SHF: variants seen among roughly 807,000 people sequenced by gnomAD.
SHF encodes the protein Src homology 2 domain containing F.
In SHF, 30 loss-of-function variants were observed where a neutral mutation model predicts 42.4. That is an observed-to-expected ratio of 0.71 (90% CI 0.53 to 0.96). The LOEUF (loss-of-function observed/expected upper bound fraction) is 0.96. SHF is among the 40% of genes least tolerant of loss of function. The pLI is 0.00. For missense variants in SHF, 598 were observed against 634.0 expected (o/e 0.94, Z 0.61); for synonymous variants, 264 against 269.9 (o/e 0.98, Z 0.21).
chr15:45,178,122 A>G (rs779623595), intron 2 of SHF, 43 bp downstream of exon 2: 1 of 1,586,548 alleles, frequency 6.3e-7, no homozygotes, highest in Admixed American at 1.8e-5. Flanking sequence ...TGTTCTGCAG[A>G]GCCCAGGCCT....
intron 1 of SHF, among the ~76,000 whole-genome samples, chr15:45,186,749 CA>C (rs1475448130): frequency 6.6e-6 from 1 of 152,242 alleles, no homozygotes; most frequent in African/African-American, 2.4e-5. Context: ...AGGTCCTGAG[CA>C]CTGACTATCC....
In SHF at chr15:45,178,198, T is replaced by G. The variant is rs753770412; in HGVS notation, c.607A>C (p.Met203Leu). Reference sequence around the variant, plus strand: ...ATCTTTTGAGCCTCATAGGGCTCCATGTAGCCATCATTTTCAGGGACCTTC... The same window carrying G: ...ATCTTTTGAGCCTCATAGGGCTCCAGGTAGCCATCATTTTCAGGGACCTTC... ...PEKVPENDGY[M>L]EPYEAQKMMA... The change falls in exon 2 of 7, where the codon ATG (methionine) becomes CTG (leucine). Residue 203 changes from methionine to leucine, a missense_variant. This residue lies in a region of SHF where 439 missense variants were observed against 524.6 expected (regional missense o/e 0.84). Coordinates refer to ENST00000690270, the MANE Select transcript of SHF (RefSeq NM_001394037.1). 1.9e-6 allele frequency: 3 copies of G among 1,613,604 alleles called. No individual in the cohort carries two copies. In the South Asian group the frequency reaches 3.3e-5, roughly 18 times the overall value.
chr15:45,173,688 A>C lies in SHF; in HGVS notation c.876T>G (p.Pro292=). The change falls in exon 4 of 7, where the codon CCT becomes CCG. Residue 292 remains proline, a synonymous_variant. Coordinates refer to ENST00000690270, the MANE Select transcript of SHF (RefSeq NM_001394037.1). ...CCAGCTGTCCCACAGGTGGAGGCCAAGGTAGGTCTTTGATGACCTTAATGT... is the reference window on the plus strand; with the variant it reads ...CCAGCTGTCCCACAGGTGGAGGCCACGGTAGGTCTTTGATGACCTTAATGT... ...AVDIKVIKDL[P]WPPPVGQLDS... 6.4e-7 allele frequency: 1 copy of C among 1,551,836 alleles called. No individual in the cohort carries two copies. Among genetic ancestry groups the C allele is most frequent in the Non-Finnish European group, 8.7e-7 (1 of 1,147,004 alleles).
intron 6 of SHF, among the ~76,000 whole-genome samples, chr15:45,168,409 C>T (rs975881308): frequency 6.6e-6 from 1 of 152,136 alleles, no homozygotes; most frequent in Non-Finnish European, 1.5e-5. Context: ...GGAAACTGAG[C>T]GACCAGCACC....
chr15:45,185,598 G>T (rs1417475670), intron 1 of SHF, among the ~76,000 whole-genome samples: 4 of 152,224 alleles, frequency 2.6e-5, no homozygotes, highest in Non-Finnish European at 5.9e-5. Context: ...AGAGCCTGCT[G>T]GATTTCATTC....
chr15:45,200,201 G>A (rs1017761342), intron 1 of SHF: 2 of 156,926 alleles, frequency 1.3e-5, no homozygotes, highest in African/African-American at 4.8e-5. Flanking sequence ...CTGGCGAGTG[G>A]TCTGTGCTTT....
chr15:45,189,750 G>T (rs1898658515), upstream of SHF, among the ~76,000 whole-genome samples: 1 of 152,130 alleles, frequency 6.6e-6, no homozygotes, highest in South Asian at 2.1e-4. Flanking sequence ...GTTCAAAGCG[G>T]GGGGTGTAAA....
chr15:45,194,985 A>G (rs1898822962), intron 2 of SHF, among the ~76,000 whole-genome samples: 1 of 151,884 alleles, frequency 6.6e-6, no homozygotes, highest in Admixed American at 6.6e-5. Context: ...ATGCACCACC[A>G]TGCCCAGCTA....
upstream of SHF, among the ~76,000 whole-genome samples, chr15:45,190,766 T>G (rs1345018056): frequency 6.6e-6 from 1 of 151,696 alleles, no homozygotes; most frequent in Non-Finnish European, 1.5e-5. Flanking sequence ...AAGGGGAGTA[T>G]TCATGATGGG....
intron 2 of SHF, 103 bp from the exon 3 acceptor site, chr15:45,175,528 A>G (rs1897755014): frequency 1.0e-5 from 12 of 1,203,582 alleles, no homozygotes; most frequent in African/African-American, 1.5e-5. Context: ...CCTTCAGAGG[A>G]GATGCCCTGG....
intron 2 of SHF, among the ~76,000 whole-genome samples, chr15:45,195,228 A>G (rs1433230350): frequency 2.0e-5 from 3 of 152,230 alleles, no homozygotes; most frequent in African/African-American, 2.4e-5. Context: ...GCTATTTCCA[A>G]TCTCCCTTTT....
At chr15:45,185,347 G>A (rs756567793) in intron 1 of SHF, among the ~76,000 whole-genome samples, 20 of 152,240 alleles carry the variant, frequency 1.3e-4, no homozygotes, top group Non-Finnish European at 1.9e-4. Context: ...TCACATCCAG[G>A]AGCAGCATCT....
At chr15:45,170,122 A>G (rs1029547018) in intron 6 of SHF, 4 of 172,604 alleles carry the variant, frequency 2.3e-5, no homozygotes, top group African/African-American at 7.2e-5. Context: ...GACCCCTGGC[A>G]TCTCCCCTTA....
At chr15:45,176,560 C>T (rs1038292331) in intron 2 of SHF, among the ~76,000 whole-genome samples, 1 of 151,992 alleles carries the variant, frequency 6.6e-6, no homozygotes, top group Non-Finnish European at 1.5e-5. Flanking sequence ...ATGCATTTTT[C>T]CCTATCCTAA....
At chr15:45,195,649 G>A (rs1488493786) in intron 2 of SHF, among the ~76,000 whole-genome samples, 1 of 152,092 alleles carries the variant, frequency 6.6e-6, no homozygotes, top group Non-Finnish European at 1.5e-5. Flanking sequence ...TGTGCCTAGA[G>A]CAGCCTCAGG....
rs1340770362 is a variant in SHF at position 45,167,850 on chromosome 15, G to T, written c.*97C>A. ...TCTACTGGATCCCAGGAGAAGAAAGGTTTGAAAGATCACGTCCCTGGCAAG... is the reference window on the plus strand; with the variant it reads ...TCTACTGGATCCCAGGAGAAGAAAGTTTTGAAAGATCACGTCCCTGGCAAG... On this transcript the variant is annotated 3_prime_UTR_variant, in exon 7 of 7. Coordinates refer to ENST00000690270, the MANE Select transcript of SHF (RefSeq NM_001394037.1). The T allele has an allele frequency of 2.5e-6, 3 of 1,204,772 alleles. No homozygotes were observed. Among genetic ancestry groups the T allele is most frequent in the Non-Finnish European group, 3.3e-6 (3 of 899,956 alleles). The allele number at this position is 1,204,772 out of a possible 1,614,324, so 74.6% of individuals were successfully genotyped here.
chr15:45,172,434 TGCTCTAGGAGGGCAGCCC>T (rs1897556756), intron 4 of SHF, 116 bp from the exon 5 acceptor site: 1 of 1,195,598 alleles, frequency 8.4e-7, no homozygotes, highest in South Asian at 1.6e-5. Context: ...ATCAAAGGAA[TGCTCTAGGAGGGCAGCCC>T]ATGCTGAAGG....
rs1463490837 is a variant in SHF at position 45,187,766 on chromosome 15, G to A, written c.186C>T (p.Gly62=). The A allele has an allele frequency of 1.9e-5, 18 of 933,814 alleles. No homozygotes were observed. Among genetic ancestry groups the A allele is most frequent in the African/African-American group, 1.4e-4 (8 of 57,758 alleles). 57.8% of individuals were successfully genotyped at this position (933,814 alleles called of 1,614,324 possible). A position where few individuals can be genotyped will look rare whatever the true frequency, so the allele number is the denominator to read the frequency against. ...GCGCCGGCTTGCTGCCCCCTCCGCC[G>A]CCGCCCCCCCCGCGGAAGCCCAGGT... The part of the protein sequence containing the change: ...REHLGFRGGG[G]GGGGSKPAPP... The change falls in exon 1 of 7, where the codon GGC becomes GGT. Residue 62 remains glycine, a synonymous_variant. Transcript: ENST00000690270.
rs751780111 is a variant in SHF at position 45,167,924 on chromosome 15, A to C, written c.*23T>G. Reference sequence around the variant, plus strand: ...TGGGCACAGGGCTGGGTACAGGTCTATCACAGTGCCCTGGCTTCACATCTA... The same window carrying C: ...TGGGCACAGGGCTGGGTACAGGTCTCTCACAGTGCCCTGGCTTCACATCTA... On this transcript the variant is annotated 3_prime_UTR_variant, in exon 7 of 7. Transcript: ENST00000690270. The C allele has an allele frequency of 2.4e-5, 38 of 1,572,132 alleles. No individual in the cohort carries two copies. The highest frequency in any genetic ancestry group is 1.7e-4 in the Middle Eastern group (1 of 5,902).
Sources: gnomAD v4.1 joint callset for allele counts (sites outside exome capture counted in the v4.1 genomes callset) on GRCh38, gnomAD v4.1.1 for gene constraint, gnomAD v4.1.1 regional missense constraint, MANE v1.5 for transcripts, NCBI Gene and HGNC (gene_info 2026-07-23, HGNC 2026-07-21) for gene names.